The following SDK2 variants were observed in gnomAD, a reference collection of about 807,000 sequenced individuals.
SDK2 encodes the protein protein sidekick-2.
In SDK2, 105 loss-of-function variants were observed where a neutral mutation model predicts 253.9. The ratio of observed to expected loss-of-function variants is 0.41; its 90% CI spans 0.35 to 0.49. The LOEUF is 0.49. SDK2 is among the 20% of genes least tolerant of loss of function. SDK2 has a pLI of 0.06. For missense variants in SDK2, 2,608 were observed against 3,003.0 expected (o/e 0.87, Z 3.07); for synonymous variants, 1,249 against 1,234.9 (o/e 1.01, Z -0.24).
rs1176860605 is a variant in SDK2 at position 73,362,273 on chromosome 17, C to T, written c.5306-428G>A. Among the ~76,000 whole-genome samples the T allele has an allele frequency of 2.6e-5, 4 of 152,134 alleles. No homozygotes were observed. In the East Asian group the frequency reaches 5.8e-4, roughly 22 times the overall value. Reference sequence around the variant, plus strand: ...TATATCCTTTTTCAGGAAGTGCTTCCATAAAAATACCAAAAGCCCAGAGTT... The same window carrying T: ...TATATCCTTTTTCAGGAAGTGCTTCTATAAAAATACCAAAAGCCCAGAGTT... On this transcript the variant is annotated intron_variant, in intron 38 of 44. Coordinates refer to ENST00000392650, the MANE Select transcript of SDK2 (RefSeq NM_001144952.2).
chr17:73,356,447 C>T (rs1242642928), intron 40 of SDK2, among the ~76,000 whole-genome samples: 1 of 152,186 alleles, frequency 6.6e-6, no homozygotes, highest in African/African-American at 2.4e-5. Context: ...GCGAACCTCT[C>T]CCTGGGTCTG....
rs12937218 is a variant in SDK2, at chr17:73,443,798, G to C, written c.614-2875C>G. On this transcript the variant is annotated intron_variant, in intron 5 of 44. Coordinates refer to ENST00000392650, the MANE Select transcript of SDK2 (RefSeq NM_001144952.2). The surrounding 1 kb of genome is among the most constrained non-coding windows in gnomAD (Gnocchi z 4.6). ...ATCCTACTGAGTTTCAGTCTTCTCA[G>C]GGGGGAAATGGGGATGAAAGTCACT... 0.014 allele frequency among the ~76,000 whole-genome samples: 2,073 copies of C among 152,256 alleles called. 20 individuals carry two copies. The highest frequency in any genetic ancestry group is 0.035 in the South Asian group (168 of 4,824).
chr17:73,341,045 GTTTTT>G (rs10541030), intron 44 of SDK2, among the ~76,000 whole-genome samples: 1 of 131,698 alleles, frequency 7.6e-6, no homozygotes. Context: ...CGGCTGGTCT[GTTTTT>G]TTTTTTTTTT....
intron 2 of SDK2, among the ~76,000 whole-genome samples, chr17:73,486,207 C>T (rs781200770): frequency 1.4e-4 from 21 of 152,088 alleles, no homozygotes; most frequent in African/African-American, 3.4e-4. Flanking sequence ...AGGAGAGTGG[C>T]TCCCGGCAAG....
chr17:73,346,498 C>T (rs972422254), intron 44 of SDK2, among the ~76,000 whole-genome samples: 1 of 152,008 alleles, frequency 6.6e-6, no homozygotes, highest in African/African-American at 2.4e-5. Context: ...ATCAAACAGG[C>T]CTTTAAATCT....
intron 3 of SDK2, among the ~76,000 whole-genome samples, chr17:73,466,722 C>CCCA (rs1555584431): frequency 6.9e-5 from 10 of 145,896 alleles, no homozygotes; most frequent in Non-Finnish European, 1.4e-4. Context: ...AACGCCCCCC[C>CCCA]CCCCCGGCTT....
At chr17:73,588,409 A>AAAAAAG (rs2045635943) in intron 1 of SDK2, among the ~76,000 whole-genome samples, 1 of 147,210 alleles carries the variant, frequency 6.8e-6, no homozygotes, top group African/African-American at 2.5e-5. Flanking sequence ...AAAAAAAAAA[A>AAAAAAG]AAAGAAAGAA....
At chr17:73,399,124 G>A in intron 22 of SDK2, 44 bp downstream of exon 22, 1 of 1,606,388 alleles carries the variant, frequency 6.2e-7, no homozygotes. Flanking sequence ...AGGGCACGGG[G>A]TGCCCTGGCG....
intron 38 of SDK2, among the ~76,000 whole-genome samples, chr17:73,364,853 C>T (rs956850269): frequency 2.0e-5 from 3 of 152,068 alleles, no homozygotes; most frequent in Admixed American, 2.0e-4. Flanking sequence ...GAACTCCTGA[C>T]CTCAGGTGAT....
At chr17:73,512,774 C>T (rs1050278318) in intron 1 of SDK2, among the ~76,000 whole-genome samples, 21 of 151,980 alleles carry the variant, frequency 1.4e-4, no homozygotes, top group African/African-American at 4.4e-4. Context: ...AGAAATAGTC[C>T]GGGAGTCTAG....
chr17:73,616,463 C>G lies in SDK2; in HGVS notation c.64+27562G>C, dbSNP rs1330325649. The stretch of plus-strand genomic sequence containing the variant: ...AGGCTGACCGTGGCCTCAAGGACCA[C>G]TGTCGCAATGCTTAGGCCTGAGCAC... On this transcript the variant is annotated intron_variant, in intron 1 of 44. Coordinates refer to ENST00000392650, the MANE Select transcript of SDK2 (RefSeq NM_001144952.2). The surrounding 1 kb of genome is among the most constrained non-coding windows in gnomAD (Gnocchi z 5.2). Among the ~76,000 whole-genome samples, 1 of 151,204 alleles carries G rather than the reference C, an allele frequency of 6.6e-6. No homozygotes were observed. The highest frequency in any genetic ancestry group is 3.2e-3 in the Middle Eastern group (1 of 316).
rs1216959455 is a variant in SDK2 at position 73,348,547 on chromosome 17, G to A, written c.6165+52C>T. 1.9e-5 allele frequency: 30 copies of A among 1,593,036 alleles called. 1 individual carries two copies. The highest frequency in any genetic ancestry group is 2.3e-5 in the South Asian group (2 of 88,432). On this transcript the variant is annotated intron_variant, in intron 44 of 44. Coordinates refer to ENST00000392650, the MANE Select transcript of SDK2 (RefSeq NM_001144952.2). Reference sequence around the variant, plus strand: ...CCATCTACGTTCACTGCCCCACTCTGGGAGGCGCTGCTCCCTGCCCCCTGC... The same window carrying A: ...CCATCTACGTTCACTGCCCCACTCTAGGAGGCGCTGCTCCCTGCCCCCTGC...
rs1198881590 is a variant in SDK2 at position 73,609,728 on chromosome 17, A to C, written c.64+34297T>G. Among the ~76,000 whole-genome samples, 1 of 152,174 alleles carries C rather than the reference A, an allele frequency of 6.6e-6. No homozygotes were observed. The highest frequency in any genetic ancestry group is 1.5e-5 in the Non-Finnish European group (1 of 68,024). ...TACAAGAGTTCTCCAGGGTCTCTCC[A>C]AATCCCAAAGGAGCCAAAGCACAGG... On this transcript the variant is annotated intron_variant, in intron 1 of 44. Coordinates refer to ENST00000392650, the MANE Select transcript of SDK2 (RefSeq NM_001144952.2). The surrounding 1 kb of genome is among the most constrained non-coding windows in gnomAD (Gnocchi z 4.4).
rs759992297 is a variant in SDK2 at position 73,393,588 on chromosome 17, A to G, written c.3870T>C (p.Pro1290=). 1 of 1,574,674 alleles carries G rather than the reference A, an allele frequency of 6.4e-7. No individual in the cohort carries two copies. The highest frequency in any genetic ancestry group is 8.7e-7 in the Non-Finnish European group (1 of 1,153,140). Residue 1290 remains proline (P), a synonymous_variant, in exon 27 of 45, where the codon CCT becomes CCC. Transcript: ENST00000392650. ...TRIGDGSPSH[P]PILERTLDDV... The stretch of plus-strand genomic sequence containing the variant: ...CATCCAGCGTCCGCTCCAGGATGGG[A>G]GGGTGGCTGGGGCTGCCGTCCCCGA...
chr17:73,546,397 C>T (rs2044966484), intron 1 of SDK2, among the ~76,000 whole-genome samples: 1 of 152,240 alleles, frequency 6.6e-6, no homozygotes, highest in African/African-American at 2.4e-5. Context: ...TCTGCCACAG[C>T]ACGGGGCTCG....
chr17:73,425,855 A>T lies in SDK2; in HGVS notation c.1584-1763T>A, dbSNP rs140580031. 1.2e-3 allele frequency among the ~76,000 whole-genome samples: 183 copies of T among 152,022 alleles called. 1 individual carries two copies. Among genetic ancestry groups the T allele is most frequent in the Non-Finnish European group, 2.4e-3 (160 of 67,984 alleles). On this transcript the variant is annotated intron_variant, in intron 12 of 44. Coordinates refer to ENST00000392650, the MANE Select transcript of SDK2 (RefSeq NM_001144952.2). The stretch of plus-strand genomic sequence containing the variant: ...CTAGGCCTCAGTTGCCTCACCTGTA[A>T]TATGAGGAAACTAACACCACCCACC...
chr17:73,608,957 A>G (rs955370924), intron 1 of SDK2, among the ~76,000 whole-genome samples: 1 of 152,200 alleles, frequency 6.6e-6, no homozygotes, highest in Non-Finnish European at 1.5e-5. Flanking sequence ...CTCTACATAT[A>G]CGAATCAAAT....
chr17:73,628,394 CCT>C (rs1383754207), intron 1 of SDK2, among the ~76,000 whole-genome samples: 1 of 152,246 alleles, frequency 6.6e-6, no homozygotes, highest in African/African-American at 2.4e-5. Flanking sequence ...AAATATGCTT[CCT>C]CCTAGACGCC....
chr17:73,457,277 TC>T, intron 3 of SDK2, among the ~76,000 whole-genome samples: 1 of 48,050 alleles, frequency 2.1e-5, no homozygotes, highest in East Asian at 6.6e-4. Context: ...CTTCCTTCCT[TC>T]CTTCCTTCCC....
Sources: allele counts gnomAD v4.1 joint callset (sites outside exome capture counted in the v4.1 genomes callset), GRCh38; gene constraint gnomAD v4.1.1; non-coding constraint Gnocchi (gnomAD v3.1); transcripts MANE v1.5; gene names NCBI Gene and HGNC (gene_info 2026-07-23, HGNC 2026-07-21).